Variants in PHACTR2 observed in about 807,000 individuals in gnomAD.
PHACTR2 encodes chromosome 6 open reading frame 56.
In PHACTR2, 30 loss-of-function variants were observed where a neutral mutation model predicts 76.0. That is an observed-to-expected ratio of 0.39 (90% CI 0.30 to 0.54). The LOEUF is 0.54. Among genes scored for constraint, PHACTR2 ranks in the 20% least tolerant of loss-of-function variants. The pLI is 0.61. For synonymous variants in PHACTR2, 292 were observed against 292.5 expected (o/e 1.00, Z 0.02); for missense variants, 696 against 781.1 (o/e 0.89, Z 1.30).
chr6:143,707,393 GT>G (rs1428739134), intron 1 of PHACTR2, among the ~76,000 whole-genome samples: 1 of 152,176 alleles, frequency 6.6e-6, no homozygotes, highest in Admixed American at 6.5e-5. Flanking sequence ...TTGAGACCAT[GT>G]TTTTTGCCAC....
In PHACTR2 at chr6:143,671,933, A is replaced by T. The variant is rs7772565; in HGVS notation, c.14-40083A>T. Among the ~76,000 whole-genome samples, 34,859 of 152,000 alleles carry T rather than the reference A, an allele frequency of 0.23. 4,094 individuals are homozygous for T. Among genetic ancestry groups the T allele is most frequent in the East Asian group, 0.38 (1,977 of 5,156 alleles). On this transcript the variant is annotated intron_variant, in intron 1 of 11. Transcript: ENST00000305766. This position sits in a 1 kb window ranked among gnomAD's most constrained non-coding sequence, Gnocchi z 4.6. ...AATACAGATACACAGAGCAACATGG[A>T]TGAATATCAAAAACATATGAAACAA...
rs1022718199 is a variant in PHACTR2 at position 143,648,466 on chromosome 6, G to A, written c.13+40144G>A. Among the ~76,000 whole-genome samples the A allele has an allele frequency of 1.3e-5, 2 of 152,190 alleles. No homozygotes were observed. Among genetic ancestry groups the A allele is most frequent in the African/African-American group, 2.4e-5 (1 of 41,442 alleles). On this transcript the variant is annotated intron_variant, in intron 1 of 11. Transcript: ENST00000305766. The surrounding 1 kb of genome is among the most constrained non-coding windows in gnomAD (Gnocchi z 6.7). ...GGGAGTCCCTGGGAGGGGGGGACGA[G>A]GAGGAACAGACCAAACAAAGCATGG...
At chr6:143,732,362 A>T (rs979437960) in intron 2 of PHACTR2, among the ~76,000 whole-genome samples, 8 of 152,204 alleles carry the variant, frequency 5.3e-5, no homozygotes, top group African/African-American at 1.9e-4. Context: ...TCTCATACAG[A>T]TGGAATCATA....
intron 1 of PHACTR2, among the ~76,000 whole-genome samples, chr6:143,629,071 G>T (rs1421123294): frequency 6.6e-6 from 1 of 150,430 alleles, no homozygotes; most frequent in Admixed American, 6.6e-5. Flanking sequence ...AAGTACAGAA[G>T]ATAATGGTGG....
chr6:143,704,383 T>TA (rs1232481293), intron 1 of PHACTR2, among the ~76,000 whole-genome samples: 1 of 152,118 alleles, frequency 6.6e-6, no homozygotes, highest in Non-Finnish European at 1.5e-5. Flanking sequence ...GTCTGAAGTA[T>TA]ATTACTTTCC....
rs1776145596 is a variant in PHACTR2, at chr6:143,621,116, G to A, written c.13+12794G>A. Among the ~76,000 whole-genome samples the A allele has an allele frequency of 6.6e-6, 1 of 152,190 alleles. No homozygotes were observed. ...GAGCAGGATCATTAAAGAAGCCTTA[G>A]CATTTTCACACAGAGACTGAGCTTG... On this transcript the variant is annotated intron_variant, in intron 1 of 11. Transcript: ENST00000305766. This position sits in a 1 kb window ranked among gnomAD's most constrained non-coding sequence, Gnocchi z 4.1.
intron 2 of PHACTR2, among the ~76,000 whole-genome samples, chr6:143,728,200 C>CTTTTTTTTTTCTTTT (rs1778618287): frequency 2.3e-5 from 3 of 131,382 alleles, no homozygotes; most frequent in Non-Finnish European, 3.2e-5. Flanking sequence ...TCTTTCTTTC[C>CTTTTTTTTTTCTTTT]TTTTTTTTTT....
chr6:143,700,008 A>G lies in PHACTR2; in HGVS notation c.47-12008A>G, dbSNP rs1437892793. Reference sequence around the variant, plus strand: ...TTGGGGAGATTGTCCGGGATACTACATGTGGCCACGGTCTCTCCACAGATA... The same window carrying G: ...TTGGGGAGATTGTCCGGGATACTACGTGTGGCCACGGTCTCTCCACAGATA... On this transcript the variant is annotated intron_variant, in intron 1 of 12. Coordinates refer to ENST00000440869, the MANE Select transcript of PHACTR2 (RefSeq NM_001100164.2). This position sits in a 1 kb window ranked among gnomAD's most constrained non-coding sequence, Gnocchi z 4.1. 6.6e-6 allele frequency among the ~76,000 whole-genome samples: 1 copy of G among 152,098 alleles called. No individual in the cohort carries two copies. Among genetic ancestry groups the G allele is most frequent in the African/African-American group, 2.4e-5 (1 of 41,424 alleles).
rs531961952 is a variant in PHACTR2 at position 143,642,774 on chromosome 6, C to T, written c.13+34452C>T. Reference sequence around the variant, plus strand: ...CAAACCTAGGAATGTCAAAGTTTGCCAGCAAACCATCAGAAACTAGGAGAG... The same window carrying T: ...CAAACCTAGGAATGTCAAAGTTTGCTAGCAAACCATCAGAAACTAGGAGAG... On this transcript the variant is annotated intron_variant, in intron 1 of 11. Transcript: ENST00000305766. 1.1e-4 allele frequency among the ~76,000 whole-genome samples: 17 copies of T among 152,258 alleles called. No homozygotes were observed. In the South Asian group the frequency reaches 2.7e-3, roughly 24 times the overall value.
At position 143,585,185 on chromosome 6, in the gene PHACTR2, G is replaced by T. The variant is rs11155305; in HGVS notation, c.217+47978G>T. Among the ~76,000 whole-genome samples the T allele has an allele frequency of 0.35, 52,640 of 151,728 alleles. 9,226 individuals are homozygous for T. The highest frequency in any genetic ancestry group is 0.51 in the South Asian group (2,462 of 4,790). ...CAGGCTACAGGGACAGAGAGTGGGG[G>T]CTTAGTGGGGTAGAGACTGCATCTG... On this transcript the variant is annotated intron_variant, in intron 1 of 11. Transcript: ENST00000367584. This position sits in a 1 kb window ranked among gnomAD's most constrained non-coding sequence, Gnocchi z 5.2.
rs1047223858 is a variant in PHACTR2 at position 143,688,866 on chromosome 6, GTCAC to G, written c.46+10669_46+10672del. 6.6e-6 allele frequency among the ~76,000 whole-genome samples: 1 copy of G among 152,148 alleles called. No homozygotes were observed. On this transcript the variant is annotated intron_variant, in intron 1 of 12. Transcript: ENST00000440869. The surrounding 1 kb of genome is among the most constrained non-coding windows in gnomAD (Gnocchi z 5.2). ...AGTAATTTCTTAAAGCATAAATCAT[GTCAC>G]TCACTCACTCAAAACCTTCCTGTCC... is the stretch of plus-strand genomic sequence containing the variant.
chr6:143,780,075 C>G lies in PHACTR2; in HGVS notation c.1645+2692C>G, dbSNP rs893642840. Among the ~76,000 whole-genome samples, 10 of 151,824 alleles carry G rather than the reference C, an allele frequency of 6.6e-5. No individual in the cohort carries two copies. The highest frequency in any genetic ancestry group is 1.0e-4 in the Non-Finnish European group (7 of 67,958). Reference sequence around the variant, plus strand: ...TATTTAGCTGAGAATGTAATTCTAGCCATGTCTTCTATAGAGAAAAATGAA... The same window carrying G: ...TATTTAGCTGAGAATGTAATTCTAGGCATGTCTTCTATAGAGAAAAATGAA... On this transcript the variant is annotated intron_variant, in intron 9 of 12. Coordinates refer to ENST00000440869, the MANE Select transcript of PHACTR2 (RefSeq NM_001100164.2). This position sits in a 1 kb window ranked among gnomAD's most constrained non-coding sequence, Gnocchi z 4.4.
rs188761642 is a variant in PHACTR2 at position 143,760,393 on chromosome 6, G to A, written c.455-8G>A. On this transcript the variant is annotated splice_polypyrimidine_tract_variant and splice_region_variant and intron_variant, in intron 4 of 12. Coordinates refer to ENST00000440869, the MANE Select transcript of PHACTR2 (RefSeq NM_001100164.2). This position sits in a 1 kb window ranked among gnomAD's most constrained non-coding sequence, Gnocchi z 6.4. ...TCAGTCTGCTTCTGTTCACTTTCTCGTTTATAGAGAACACTGAAAACCACT... is the reference window on the plus strand; with the variant it reads ...TCAGTCTGCTTCTGTTCACTTTCTCATTTATAGAGAACACTGAAAACCACT... The A allele has an allele frequency of 1.1e-4, 171 of 1,602,262 alleles. 1 individual carries two copies. The East Asian group carries it at 1.3e-3, about 12-fold the overall frequency.
chr6:143,710,449 T>C lies in PHACTR2; in HGVS notation c.47-1567T>C. Among the ~76,000 whole-genome samples, 1 of 152,176 alleles carries C rather than the reference T, an allele frequency of 6.6e-6. No individual in the cohort carries two copies. On this transcript the variant is annotated intron_variant, in intron 1 of 12. Transcript: ENST00000440869. This position sits in a 1 kb window ranked among gnomAD's most constrained non-coding sequence, Gnocchi z 4.9. ...GGCTCACGCCTGTAATCCCAGCAGT[T>C]TGGGAGGCTGAGGCGGGTGGATCAC... is the stretch of plus-strand genomic sequence containing the variant.
At chr6:143,813,833 C>T (rs1401653238) in intron 12 of PHACTR2, among the ~76,000 whole-genome samples, 1 of 152,104 alleles carries the variant, frequency 6.6e-6, no homozygotes, top group Non-Finnish European at 1.5e-5. Flanking sequence ...GAGATATTCA[C>T]ATACAGTGAC....
At position 143,795,038 on chromosome 6, in the gene PHACTR2, A is replaced by G. The variant is rs1164121217; in HGVS notation, c.1845+6128A>G. 1.3e-5 allele frequency among the ~76,000 whole-genome samples: 2 copies of G among 152,210 alleles called. No homozygotes were observed. The highest frequency in any genetic ancestry group is 4.8e-5 in the African/African-American group (2 of 41,458). The stretch of plus-strand genomic sequence containing the variant: ...CTCCGGAATCTGGTAGTCTGGTTAA[A>G]TGGCTCATGTTGGAAAAGAGAAGTG... On this transcript the variant is annotated intron_variant, in intron 11 of 12. Transcript: ENST00000440869. This position sits in a 1 kb window ranked among gnomAD's most constrained non-coding sequence, Gnocchi z 4.8.
In PHACTR2 at chr6:143,625,907, A is replaced by G. The variant is rs1047499726; in HGVS notation, c.13+17585A>G. ...GGTAAAGCAGAGTGGTGGGGCAGGGACAACTGAAGAGCTCTTTTAGGTAAG... is the reference window on the plus strand; with the variant it reads ...GGTAAAGCAGAGTGGTGGGGCAGGGGCAACTGAAGAGCTCTTTTAGGTAAG... On this transcript the variant is annotated intron_variant, in intron 1 of 11. Transcript: ENST00000305766. The surrounding 1 kb of genome is among the most constrained non-coding windows in gnomAD (Gnocchi z 4.3). Among the ~76,000 whole-genome samples the G allele has an allele frequency of 6.6e-6, 1 of 152,210 alleles. No individual in the cohort carries two copies. Among genetic ancestry groups the G allele is most frequent in the African/African-American group, 2.4e-5 (1 of 41,446 alleles).
chr6:143,545,656 A>G (rs1026480594), intron 1 of PHACTR2, among the ~76,000 whole-genome samples: 1 of 152,124 alleles, frequency 6.6e-6, no homozygotes, highest in African/African-American at 2.4e-5. Flanking sequence ...CAAGACTCAA[A>G]TCTTCATGAC....
Position 143,549,374 on chromosome 6 carries a change from T to C in PHACTR2, c.217+12167T>C, listed in dbSNP as rs1449016481. Among the ~76,000 whole-genome samples, 1 of 152,218 alleles carries C rather than the reference T, an allele frequency of 6.6e-6. No homozygotes were observed. The highest frequency in any genetic ancestry group is 1.9e-4 in the East Asian group (1 of 5,192). ...GGGTGCGGGATGGCATTCCTTTGGC[T>C]TAATCTGATGAAACATTTCTCAGCA... On this transcript the variant is annotated intron_variant, in intron 1 of 11. Coordinates refer to the PHACTR2 transcript ENST00000367584. The surrounding 1 kb of genome is among the most constrained non-coding windows in gnomAD (Gnocchi z 4.2).
Sources: allele counts gnomAD v4.1 joint callset (sites outside exome capture counted in the v4.1 genomes callset), GRCh38; gene constraint gnomAD v4.1.1; non-coding constraint Gnocchi (gnomAD v3.1); transcripts MANE v1.5; gene names NCBI Gene and HGNC (gene_info 2026-07-23, HGNC 2026-07-21).